The following DNM1 variants were observed in gnomAD, a reference collection of about 807,000 sequenced individuals.
DNM1 encodes dynamin 1.
In DNM1, 29 loss-of-function variants were observed where a neutral mutation model predicts 104.6. That is an observed-to-expected ratio of 0.28 (90% CI 0.21 to 0.38). The LOEUF (loss-of-function observed/expected upper bound fraction) is 0.38. Ranked by LOEUF, DNM1 falls within the 10% of genes least tolerant of loss-of-function variation. The pLI, the probability that DNM1 is intolerant of heterozygous loss-of-function variation, is 1.00. For synonymous variants in DNM1, 445 were observed against 475.8 expected (o/e 0.94, Z 0.84); for missense variants, 640 against 1,189.4 (o/e 0.54, Z 6.79).
intron 10 of DNM1, among the ~76,000 whole-genome samples, chr9:128,228,477 T>C (rs1480674862): frequency 2.6e-5 from 4 of 152,238 alleles, no homozygotes; most frequent in African/African-American, 9.6e-5. Flanking sequence ...CTGGCAACAG[T>C]GGCTTCTTGA....
chr9:128,233,932 C>A lies in DNM1; in HGVS notation c.1336-89C>A, dbSNP rs1039214948. On this transcript the variant is annotated intron_variant, in intron 10 of 21. Coordinates refer to ENST00000372923, the MANE Select transcript of DNM1 (RefSeq NM_004408.4). ...CATTCTGTGTGTGCCTCCCACCCTG[C>A]GCCGCGGATCCCTGGACTCGTGGGG... 9 of 1,196,754 alleles carry A rather than the reference C, an allele frequency of 7.5e-6. No individual in the cohort carries two copies. The African/African-American group carries it at 1.4e-4, about 18-fold the overall frequency. 74.1% of individuals were successfully genotyped at this position (1,196,754 alleles called of 1,614,324 possible).
chr9:128,248,199 C>A lies in DNM1; in HGVS notation c.1905+264C>A. ...AAAATTAGCCAGGCATGGTGGTGCG[C>A]GCCTGTAATCCCAGCTACTCAGGAG... On this transcript the variant is annotated intron_variant, in intron 18 of 21. Transcript: ENST00000372923. The surrounding 1 kb of genome is among the most constrained non-coding windows in gnomAD (Gnocchi z 5.6). 1 of 535,122 alleles carries A rather than the reference C, an allele frequency of 1.9e-6. No individual in the cohort carries two copies. Among genetic ancestry groups the A allele is most frequent in the Non-Finnish European group, 3.4e-6 (1 of 297,262 alleles). 33.1% of individuals were successfully genotyped at this position (535,122 alleles called of 1,614,324 possible).
At chr9:128,244,714 G>T in intron 15 of DNM1, 1 of 529,992 alleles carries the variant, frequency 1.9e-6, no homozygotes. Flanking sequence ...CTCCAGTGGC[G>T]GCGGTGCCGA....
chr9:128,208,955 C>A (rs1048238493), intron 1 of DNM1, among the ~76,000 whole-genome samples: 2 of 152,068 alleles, frequency 1.3e-5, no homozygotes, highest in African/African-American at 4.8e-5. Context: ...AAGAGCCCAA[C>A]GGGTTTGAGA....
At chr9:128,250,067 G>A in intron 19 of DNM1, 48 bp from the exon 20 acceptor site, 1 of 1,613,270 alleles carries the variant, frequency 6.2e-7, no homozygotes. Context: ...CGGCCAGGGC[G>A]GCACAGGCAT....
At chr9:128,210,109 G>C (rs1170367476) in intron 1 of DNM1, among the ~76,000 whole-genome samples, 1 of 151,410 alleles carries the variant, frequency 6.6e-6, no homozygotes, top group African/African-American at 2.4e-5. Flanking sequence ...GCAGTGGGGC[G>C]ATCTTGGCTC....
chr9:128,252,800 G>A (rs921692535), intron 21 of DNM1: 3 of 646,030 alleles, frequency 4.6e-6, no homozygotes, highest in East Asian at 3.1e-5. Context: ...CTCTGTGTGC[G>A]GGTGAGCTTC....
At position 128,245,200 on chromosome 9, in the gene DNM1, TG is replaced by T. The variant is rs1292052153; in HGVS notation, c.1672-1190del. On this transcript the variant is annotated intron_variant, in intron 15 of 21. Coordinates refer to ENST00000372923, the MANE Select transcript of DNM1 (RefSeq NM_004408.4). This position sits in a 1 kb window ranked among gnomAD's most constrained non-coding sequence, Gnocchi z 5.2. ...CTCCTCTCCTCCCCCAGCCGCCCTC[TG>T]GGGCTCCCGGCCACCCGCCTGGCAT... 6.6e-6 allele frequency among the ~76,000 whole-genome samples: 1 copy of T among 150,756 alleles called. No individual in the cohort carries two copies.
chr9:128,232,104 G>A, intron 10 of DNM1: 1 of 452,332 alleles, frequency 2.2e-6, no homozygotes, highest in Non-Finnish European at 4.5e-6. Context: ...TGGAAAACTT[G>A]AGACATGTGA....
chr9:128,218,767 C>T lies in DNM1; in HGVS notation c.385+36C>T. 1 of 1,560,878 alleles carries T rather than the reference C, an allele frequency of 6.4e-7. No individual in the cohort carries two copies. Among genetic ancestry groups the T allele is most frequent in the African/African-American group, 1.4e-5 (1 of 73,204 alleles). ...TGGCCCCGCCCTAACCTCTAAGAAT[C>T]ATTTTCTTGGCCACGCACCTCTGCG... On this transcript the variant is annotated intron_variant, in intron 3 of 21. Transcript: ENST00000372923. The surrounding 1 kb of genome is among the most constrained non-coding windows in gnomAD (Gnocchi z 4.8).
chr9:128,210,640 G>A (rs564226603), intron 1 of DNM1, among the ~76,000 whole-genome samples: 1 of 152,168 alleles, frequency 6.6e-6, no homozygotes, highest in African/African-American at 2.4e-5. Flanking sequence ...TGGGAATACA[G>A]GTGTGAGCCA....
rs1416449563 is a variant in DNM1, at chr9:128,218,754, A to G, written c.385+23A>G. 2 of 1,569,912 alleles carry G rather than the reference A, an allele frequency of 1.3e-6. No individual in the cohort carries two copies. Among genetic ancestry groups the G allele is most frequent in the South Asian group, 2.3e-5 (2 of 87,352 alleles). ...ACGGTGAGGACCCTGGCCCCGCCCT[A>G]ACCTCTAAGAATCATTTTCTTGGCC... On this transcript the variant is annotated intron_variant, in intron 3 of 21. Coordinates refer to ENST00000372923, the MANE Select transcript of DNM1 (RefSeq NM_004408.4). The surrounding 1 kb of genome is among the most constrained non-coding windows in gnomAD (Gnocchi z 4.8).
intron 4 of DNM1, among the ~76,000 whole-genome samples, chr9:128,219,587 T>G (rs1029221591): frequency 2.0e-5 from 3 of 152,108 alleles, no homozygotes; most frequent in Non-Finnish European, 4.4e-5. Context: ...GAGAATCACT[T>G]GAGCCCAGGA....
chr9:128,232,171 C>A (rs1315566015), intron 10 of DNM1: 5 of 404,764 alleles, frequency 1.2e-5, no homozygotes, highest in Admixed American at 5.3e-5. Flanking sequence ...GCGCCCTCCT[C>A]CTCCCTCCTT....
At chr9:128,244,054 T>C (rs1836586911) in intron 15 of DNM1, among the ~76,000 whole-genome samples, 1 of 151,636 alleles carries the variant, frequency 6.6e-6, no homozygotes, top group African/African-American at 2.4e-5. Context: ...GTGGTCTGCA[T>C]TTGCATCTGG....
rs1248446206 is a variant in DNM1, at chr9:128,247,852, C to G, written c.1894-72C>G. ...GGTTCACTCAATCTCTCCCCTTTTC[C>G]TCTCTGTGTTTCCTTCGGCTGTGCT... On this transcript the variant is annotated intron_variant, in intron 17 of 21. Coordinates refer to ENST00000372923, the MANE Select transcript of DNM1 (RefSeq NM_004408.4). This position sits in a 1 kb window ranked among gnomAD's most constrained non-coding sequence, Gnocchi z 5.1. 5 of 1,588,302 alleles carry G rather than the reference C, an allele frequency of 3.1e-6. No homozygotes were observed. Among genetic ancestry groups the G allele is most frequent in the East Asian group, 4.5e-5 (2 of 44,536 alleles).
At chr9:128,211,358 G>A (rs1054487619) in intron 1 of DNM1, among the ~76,000 whole-genome samples, 9 of 152,004 alleles carry the variant, frequency 5.9e-5, no homozygotes, top group Middle Eastern at 6.8e-3. Flanking sequence ...CCTTTCAGCC[G>A]CTCCCTCCTG....
chr9:128,209,466 C>A (rs781593879), intron 1 of DNM1, among the ~76,000 whole-genome samples: 8 of 152,132 alleles, frequency 5.3e-5, no homozygotes, highest in Non-Finnish European at 8.8e-5. Context: ...CGTGGAGAAA[C>A]GGACGCCCAC....
Position 128,222,683 on chromosome 9 carries a change from C to T in DNM1, c.1128+87C>T, listed in dbSNP as rs1014907105. ...CTCTCTGCGTGTGTTTTTGCTGGCCCCCACCCCACAGGCCCTGATGCCCAG... is the reference window on the plus strand; with the variant it reads ...CTCTCTGCGTGTGTTTTTGCTGGCCTCCACCCCACAGGCCCTGATGCCCAG... On this transcript the variant is annotated intron_variant, in intron 8 of 21. Coordinates refer to ENST00000372923, the MANE Select transcript of DNM1 (RefSeq NM_004408.4). This position sits in a 1 kb window ranked among gnomAD's most constrained non-coding sequence, Gnocchi z 7.8. 13 of 1,601,646 alleles carry T rather than the reference C, an allele frequency of 8.1e-6. No homozygotes were observed. The East Asian group carries it at 8.9e-5, about 11-fold the overall frequency.
Sources: allele counts gnomAD v4.1 joint callset (sites outside exome capture counted in the v4.1 genomes callset), GRCh38; gene constraint gnomAD v4.1.1; non-coding constraint Gnocchi (gnomAD v3.1); transcripts MANE v1.5; gene names NCBI Gene and HGNC (gene_info 2026-07-23, HGNC 2026-07-21).